PPM1K: variants seen among roughly 807,000 people sequenced by gnomAD.
PPM1K encodes the protein protein phosphatase, Mg2+/Mn2+ dependent 1K.
In PPM1K, 19 loss-of-function variants were observed where a neutral mutation model predicts 32.6. The ratio of observed to expected loss-of-function variants is 0.58; its 90% confidence interval spans 0.41 to 0.86. PPM1K has a LOEUF of 0.86. Among genes scored for constraint, PPM1K ranks in the 40% least tolerant of loss-of-function variants. The pLI, the probability that PPM1K is intolerant of heterozygous loss-of-function variation, is 0.00. For synonymous variants in PPM1K, 159 were observed against 165.3 expected (o/e 0.96, Z 0.29); for missense variants, 362 against 461.2 (o/e 0.78, Z 1.97).
intron 6 of PPM1K, 64 bp from the exon 7 acceptor site, chr4:88,262,790 C>A: frequency 6.6e-7 from 1 of 1,514,252 alleles, no homozygotes; most frequent in South Asian, 1.3e-5. Flanking sequence ...AAAGAGAAAT[C>A]AGCCTTTCCT....
At chr4:88,281,278 G>C (rs1731994804) in intron 1 of PPM1K, among the ~76,000 whole-genome samples, 1 of 152,152 alleles carries the variant, frequency 6.6e-6, no homozygotes, top group Admixed American at 6.5e-5. Context: ...CTTTAAATCA[G>C]AGTTCTGGAA....
At position 88,278,428 on chromosome 4, in the gene PPM1K, T is replaced by G. The variant is rs941643674; in HGVS notation, c.156A>C (p.Pro52=). The G allele has an allele frequency of 1.2e-6, 2 of 1,614,124 alleles. No individual in the cohort carries two copies. Among genetic ancestry groups the G allele is most frequent in the African/African-American group, 2.7e-5 (2 of 74,946 alleles). ...TSEPRCSRFD[P]DGSGSPATWD... ...AGGTAGCTGGACTCCCACTACCATC[T>G]GGGTCAAACCGAGAACACCTAGGCT... is the stretch of plus-strand genomic sequence containing the variant. The change falls in exon 2 of 7, where the codon CCA becomes CCC. Residue 52 remains proline, a synonymous_variant. Transcript: ENST00000608933. The surrounding 1 kb of genome is among the most constrained non-coding windows in gnomAD (Gnocchi z 4.2).
Position 88,268,866 on chromosome 4 carries a change from T to C in PPM1K, c.582A>G (p.Leu194=), listed in dbSNP as rs758129828. Reference sequence around the variant, plus strand: ...CAACCAGTTCAATACCATCTCGCAATAGGGCTACTGTTGCAGTAGTCCCAG... The same window carrying C: ...CAACCAGTTCAATACCATCTCGCAACAGGGCTACTGTTGCAGTAGTCCCAG... The part of the protein sequence containing the change: ...LTSGTTATVA[L]LRDGIELVVA... Residue 194 remains leucine (L), a synonymous_variant, in exon 4 of 7, where the codon CTA becomes CTG. Transcript: ENST00000608933. 11 of 1,613,958 alleles carry C rather than the reference T, an allele frequency of 6.8e-6. No individual in the cohort carries two copies. The Admixed American group carries it at 8.3e-5, about 12-fold the overall frequency.
chr4:88,269,438 C>A (rs1465878005), intron 3 of PPM1K, among the ~76,000 whole-genome samples: 1 of 152,222 alleles, frequency 6.6e-6, no homozygotes, highest in Admixed American at 6.5e-5. Context: ...ATACCATTTG[C>A]ATATTCTACC....
At position 88,261,173 on chromosome 4, in the gene PPM1K, C is replaced by T. The variant is rs1244018092; in HGVS notation, c.*1422G>A. 6.6e-6 allele frequency: 1 copy of T among 152,118 alleles called. No homozygotes were observed. Among genetic ancestry groups the T allele is most frequent in the Non-Finnish European group, 1.5e-5 (1 of 68,006 alleles). 9.4% of individuals were successfully genotyped at this position (152,118 alleles called of 1,614,324 possible). A position where few individuals can be genotyped will look rare whatever the true frequency, so the allele number is the denominator to read the frequency against. Reference sequence around the variant, plus strand: ...ACACATTTAGAAATTCACATTTTAACAGCAAACTTACATGCAGATAAAGAG... The same window carrying T: ...ACACATTTAGAAATTCACATTTTAATAGCAAACTTACATGCAGATAAAGAG... On this transcript the variant is annotated 3_prime_UTR_variant, in exon 7 of 7. Transcript: ENST00000608933.
chr4:88,280,790 A>G (rs1731976022), intron 1 of PPM1K, among the ~76,000 whole-genome samples: 1 of 152,188 alleles, frequency 6.6e-6, no homozygotes, highest in Non-Finnish European at 1.5e-5. Flanking sequence ...CAGAGGCTGC[A>G]GTGAGCTAAG....
At chr4:88,276,603 T>C in intron 3 of PPM1K, 1 of 985,110 alleles carries the variant, frequency 1.0e-6, no homozygotes, top group Non-Finnish European at 1.2e-6. Context: ...AAGATTGAGC[T>C]TTTTAAGAAG....
chr4:88,282,996 T>G (rs545048354), intron 1 of PPM1K, among the ~76,000 whole-genome samples: 1 of 152,238 alleles, frequency 6.6e-6, no homozygotes, highest in Non-Finnish European at 1.5e-5. Flanking sequence ...GAAAAAATTA[T>G]TAGCGAGAAC....
chr4:88,278,227 C>G lies in PPM1K; in HGVS notation c.357G>C (p.Glu119Asp), dbSNP rs778963733. The change falls in exon 2 of 7, where the codon GAG (glutamate) becomes GAC (aspartate). Residue 119 changes from glutamate to aspartate, a missense_variant. Coordinates refer to ENST00000608933, the MANE Select transcript of PPM1K (RefSeq NM_152542.5). This position sits in a 1 kb window ranked among gnomAD's most constrained non-coding sequence, Gnocchi z 4.2. ...DRFDFAQLTDEVLYFAVYDGH... is the reference protein window; with the variant it reads ...DRFDFAQLTDDVLYFAVYDGH... The stretch of plus-strand genomic sequence containing the variant: ...CATCATACACTGCAAAGTACAGGAC[C>G]TCATCTGTCAGCTGAGCGAAGTCAA... 2.5e-6 allele frequency: 4 copies of G among 1,614,192 alleles called. No homozygotes were observed. In the South Asian group the frequency reaches 4.4e-5, roughly 18 times the overall value.
Position 88,278,141 on chromosome 4 carries a change from T to C in PPM1K, c.440+3A>G. 6.2e-7 allele frequency: 1 copy of C among 1,611,094 alleles called. No homozygotes were observed. The highest frequency in any genetic ancestry group is 8.5e-7 in the Non-Finnish European group (1 of 1,177,752). On this transcript the variant is annotated splice_donor_region_variant and intron_variant, in intron 2 of 6. Coordinates refer to ENST00000608933, the MANE Select transcript of PPM1K (RefSeq NM_152542.5). The surrounding 1 kb of genome is among the most constrained non-coding windows in gnomAD (Gnocchi z 4.2). Reference sequence around the variant, plus strand: ...AGTCAGGAGTGAAAGTCATTGTACATACATAATACATTTCTCCATGTGGGT... The same window carrying C: ...AGTCAGGAGTGAAAGTCATTGTACACACATAATACATTTCTCCATGTGGGT...
intron 3 of PPM1K, among the ~76,000 whole-genome samples, chr4:88,272,065 A>G (rs1731578730): frequency 6.6e-6 from 1 of 152,262 alleles, no homozygotes; most frequent in South Asian, 2.1e-4. Context: ...TATACTTTTC[A>G]AAGTATAATG....
rs777816379 is a variant in PPM1K, at chr4:88,265,042, A to G, written c.946T>C (p.Cys316Arg). 4 of 1,614,132 alleles carry G rather than the reference A, an allele frequency of 2.5e-6. No individual in the cohort carries two copies. Among genetic ancestry groups the G allele is most frequent in the Non-Finnish European group, 1.7e-6 (2 of 1,180,026 alleles). The change falls in exon 6 of 7, where the codon TGC becomes CGC. Residue 316 changes from cysteine (C) to arginine (R), a missense_variant. Cys to Arg is a radical substitution (Grantham distance 180, BLOSUM62 -3). Transcript: ENST00000608933. ...SQEICDFVNQCHDPNEAAHAV... is the reference protein window; with the variant it reads ...SQEICDFVNQRHDPNEAAHAV... Reference sequence around the variant, plus strand: ...TGGGCTGCTTCGTTGGGATCATGGCACTGATTGACAAAGTCACAAATCTCT... The same window carrying G: ...TGGGCTGCTTCGTTGGGATCATGGCGCTGATTGACAAAGTCACAAATCTCT...
At position 88,272,904 on chromosome 4, in the gene PPM1K, G is replaced by T. The variant is rs115684617; in HGVS notation, c.542-3998C>A. 4.8e-3 allele frequency among the ~76,000 whole-genome samples: 724 copies of T among 152,232 alleles called. 4 individuals carry two copies. The highest frequency in any genetic ancestry group is 0.016 in the African/African-American group (681 of 41,540). ...TATATTTTACAGATCAGTCATCCAG[G>T]ACATGCTGCGTCTGTGGTTGGCATC... is the stretch of plus-strand genomic sequence containing the variant. On this transcript the variant is annotated intron_variant, in intron 3 of 6. Transcript: ENST00000608933.
chr4:88,273,806 C>T (rs1731657294), intron 3 of PPM1K, among the ~76,000 whole-genome samples: 1 of 152,048 alleles, frequency 6.6e-6, no homozygotes, highest in Admixed American at 6.6e-5. Flanking sequence ...AGGTAGAGAA[C>T]CCATCTGCAT....
At chr4:88,267,930 A>C (rs189411484) in intron 5 of PPM1K, among the ~76,000 whole-genome samples, 20 of 152,278 alleles carry the variant, frequency 1.3e-4, no homozygotes, top group South Asian at 6.2e-4. Flanking sequence ...TGTTGTAGTT[A>C]ATCTGACTTT....
At position 88,268,258 on chromosome 4, in the gene PPM1K, T is replaced by C. The variant is rs1158487990; in HGVS notation, c.784A>G (p.Arg262Gly). The change falls in exon 5 of 7, where the codon AGA (arginine) becomes GGA (glycine). Residue 262 changes from arginine to glycine, a missense_variant. Arg to Gly is a moderately radical substitution (Grantham distance 125). Coordinates refer to ENST00000608933, the MANE Select transcript of PPM1K (RefSeq NM_152542.5). ...TTAAGGTCCAAATCTCCAATACTTC[T>C]TGTCATTGCAAGCCTGCCATTTACG... ...PHVNGRLAMT[R>G]SIGDLDLKTS... The C allele has an allele frequency of 6.2e-7, 1 of 1,614,004 alleles. No individual in the cohort carries two copies. The highest frequency in any genetic ancestry group is 8.5e-7 in the Non-Finnish European group (1 of 1,180,004).
At chr4:88,272,305 C>G (rs1044356283) in intron 3 of PPM1K, among the ~76,000 whole-genome samples, 2 of 151,938 alleles carry the variant, frequency 1.3e-5, no homozygotes, top group Admixed American at 1.3e-4. Context: ...AGCCCTGGTT[C>G]TTTTGTAGTT....
chr4:88,277,240 AT>A lies in PPM1K; in HGVS notation c.443del (p.Asp148ValfsTer13), dbSNP rs1287623640. On this transcript the variant is annotated frameshift_variant and splice_region_variant, in exon 3 of 7. Transcript: ENST00000608933. LOFTEE classifies it high-confidence loss of function. ...CCAAGTTCTTCTCCTTAGGAAGCAA[AT>A]CCCTTTGTGGGGAGGAAAAAAAGAG... ...CHTHMEKCIM[D>X]LLPKEKNLET... The A allele has an allele frequency of 6.2e-7, 1 of 1,611,006 alleles. No homozygotes were observed.
rs115808963 is a variant in PPM1K at position 88,274,101 on chromosome 4, C to T, written c.541+3042G>A. Among the ~76,000 whole-genome samples the T allele has an allele frequency of 3.5e-3, 526 of 152,300 alleles. 1 individual carries two copies. The highest frequency in any genetic ancestry group is 0.012 in the African/African-American group (497 of 41,558). ...CCTAACCTCACTCCTTGTGTGTCCT[C>T]GTCCTTGATTTCCTTGGTATGAGAC... On this transcript the variant is annotated intron_variant, in intron 3 of 6. Transcript: ENST00000608933.
Sources: allele counts gnomAD v4.1 joint callset (sites outside exome capture counted in the v4.1 genomes callset), GRCh38; gene constraint gnomAD v4.1.1; non-coding constraint Gnocchi (gnomAD v3.1); transcripts MANE v1.5; gene names NCBI Gene and HGNC (gene_info 2026-07-23, HGNC 2026-07-21).